Variants in SMPDL3B observed in about 807,000 individuals in gnomAD.
The protein encoded by SMPDL3B is acid sphingomyelinase-like phosphodiesterase 3b.
In SMPDL3B, 31 loss-of-function variants were observed where a neutral mutation model predicts 37.9. The ratio of observed to expected loss-of-function variants is 0.82; its 90% CI spans 0.61 to 1.10. The LOEUF (loss-of-function observed/expected upper bound fraction) is 1.10, where lower values mean the gene tolerates loss of function less well. SMPDL3B is among the 50% of genes least tolerant of loss of function. The pLI, the probability that SMPDL3B is intolerant of heterozygous loss-of-function variation, is 0.00. For missense variants in SMPDL3B, 525 were observed against 597.8 expected (o/e 0.88, Z 1.27); for synonymous variants, 235 against 242.6 (o/e 0.97, Z 0.29).
rs1410280011 is a variant in SMPDL3B, at chr1:27,958,200, CTGAATACCTGTA to C, written c.1006-260_1006-249del. On this transcript the variant is annotated intron_variant, in intron 7 of 7. Coordinates refer to ENST00000373894, the MANE Select transcript of SMPDL3B (RefSeq NM_014474.4). The surrounding 1 kb of genome is among the most constrained non-coding windows in gnomAD (Gnocchi z 5.6). ...AACCTGGGGTCCAATCCTGCTACCA[CTGAATACCTGTA>C]TGAATACCTGTATGACCCTGGCCAA... 2.0e-5 allele frequency among the ~76,000 whole-genome samples: 3 copies of C among 152,236 alleles called. No homozygotes were observed. The highest frequency in any genetic ancestry group is 1.5e-5 in the Non-Finnish European group (1 of 68,042).
intron 1 of SMPDL3B, chr1:27,939,205 C>T (rs1216759411): frequency 2.0e-5 from 3 of 152,180 alleles, no homozygotes; most frequent in Non-Finnish European, 4.4e-5. Flanking sequence ...TTCCTGCCCC[C>T]CTGTCTCCAA....
Position 27,958,712 on chromosome 1 carries a change from G to C in SMPDL3B, c.1242G>C (p.Val414=), listed in dbSNP as rs759020425. The C allele has an allele frequency of 4.3e-6, 7 of 1,613,882 alleles. No homozygotes were observed. The Admixed American group carries it at 1.2e-4, about 27-fold the overall frequency. The part of the protein sequence containing the change: ...VCDEACSMQH[V]CAMRQVDIDA... The stretch of plus-strand genomic sequence containing the variant: ...ACGAGGCCTGCAGCATGCAGCACGT[G>C]TGTGCCATGCGCCAGGTGGACATTG... Residue 414 remains valine, a synonymous_variant, in exon 8 of 8, where the codon GTG becomes GTC. Transcript: ENST00000373894. This position sits in a 1 kb window ranked among gnomAD's most constrained non-coding sequence, Gnocchi z 5.6.
chr1:27,935,298 G>T (rs1404000775), intron 1 of SMPDL3B, 54 bp downstream of exon 1: 21 of 1,324,490 alleles, frequency 1.6e-5, no homozygotes, highest in Non-Finnish European at 2.2e-5. Flanking sequence ...GAACTCTGGG[G>T]CTGCGGGAAG....
Position 27,958,944 on chromosome 1 carries a change from A to G in SMPDL3B, c.*106A>G. On this transcript the variant is annotated 3_prime_UTR_variant, in exon 8 of 8. Transcript: ENST00000373894. This position sits in a 1 kb window ranked among gnomAD's most constrained non-coding sequence, Gnocchi z 5.6. ...TCCTCCGCGCCTGAGGAGTGAACTG[A>G]AATAGGACAACCGAATCAGGAAGCG... 1 of 1,319,012 alleles carries G rather than the reference A, an allele frequency of 7.6e-7. No individual in the cohort carries two copies. Among genetic ancestry groups the G allele is most frequent in the South Asian group, 1.5e-5 (1 of 66,096 alleles). The allele number at this position is 1,319,012 out of a possible 1,614,324, so 81.7% of individuals were successfully genotyped here.
Position 27,953,320 on chromosome 1 carries a change from C to G in SMPDL3B, c.479C>G (p.Pro160Arg). ...IYNQIAELWK[P>R]WLSNESIALF... ...AATCAGATAGCAGAACTATGGAAAC[C>G]CTGGCTTAGTAATGAGTCCATCGCT... Residue 160 changes from proline to arginine, a missense_variant, in exon 4 of 8, where the codon CCC becomes CGC. Physicochemically the swap from Pro to Arg is moderately radical, Grantham distance 103 (BLOSUM62 -2). Transcript: ENST00000373894. 2 of 1,613,938 alleles carry G rather than the reference C, an allele frequency of 1.2e-6. No individual in the cohort carries two copies. Among genetic ancestry groups the G allele is most frequent in the Non-Finnish European group, 1.7e-6 (2 of 1,179,912 alleles).
intron 1 of SMPDL3B, chr1:27,939,222 G>C (rs2090335039): frequency 6.6e-6 from 1 of 152,116 alleles, no homozygotes; most frequent in South Asian, 2.1e-4. Flanking sequence ...CCAACCATAA[G>C]GGAACTCACC....
Position 27,958,493 on chromosome 1 carries a change from C to G in SMPDL3B, c.1023C>G (p.Phe341Leu). ...TLSLKDMVTY[F>L]MNLSQANAQG... ...TTTTCCAGGACATGGTGACCTACTT[C>G]ATGAACCTGAGCCAGGCGAATGCTC... is the stretch of plus-strand genomic sequence containing the variant. Residue 341 changes from phenylalanine to leucine, a missense_variant, in exon 8 of 8, where the codon TTC (phenylalanine) becomes TTG (leucine). Phe to Leu is a conservative substitution (Grantham distance 22). Coordinates refer to ENST00000373894, the MANE Select transcript of SMPDL3B (RefSeq NM_014474.4). This position sits in a 1 kb window ranked among gnomAD's most constrained non-coding sequence, Gnocchi z 5.6. 6.2e-7 allele frequency: 1 copy of G among 1,604,156 alleles called. No individual in the cohort carries two copies. Among genetic ancestry groups the G allele is most frequent in the Non-Finnish European group, 8.5e-7 (1 of 1,172,026 alleles).
At position 27,954,547 on chromosome 1, in the gene SMPDL3B, C is replaced by CT. The variant is rs745987967; in HGVS notation, c.690+25dup. 529 of 1,609,676 alleles carry CT rather than the reference C, an allele frequency of 3.3e-4. No individual in the cohort carries two copies. In the Middle Eastern group the frequency reaches 3.5e-3, roughly 11 times the overall value. ...ACATGGTAAGAGGCCCTGCTTCTTT[C>CT]TTTTCTCATCTGGGGTTATTTCCTG... On this transcript the variant is annotated intron_variant, in intron 5 of 7. Coordinates refer to ENST00000373894, the MANE Select transcript of SMPDL3B (RefSeq NM_014474.4).
At position 27,958,306 on chromosome 1, in the gene SMPDL3B, T is replaced by C. The variant is rs1434546608; in HGVS notation, c.1006-170T>C. ...CTAGGTAATAAGCGCAGTTACCTCA[T>C]TCGATTCAGAGGATGTCTGCCAAGC... On this transcript the variant is annotated intron_variant, in intron 7 of 7. Coordinates refer to ENST00000373894, the MANE Select transcript of SMPDL3B (RefSeq NM_014474.4). The surrounding 1 kb of genome is among the most constrained non-coding windows in gnomAD (Gnocchi z 5.6). 6.6e-6 allele frequency among the ~76,000 whole-genome samples: 1 copy of C among 152,176 alleles called. No homozygotes were observed. Among genetic ancestry groups the C allele is most frequent in the African/African-American group, 2.4e-5 (1 of 41,448 alleles).
rs770746968 is a variant in SMPDL3B, at chr1:27,955,688, A to G, written c.695A>G (p.Tyr232Cys). 3 of 1,613,126 alleles carry G rather than the reference A, an allele frequency of 1.9e-6. No homozygotes were observed. Among genetic ancestry groups the G allele is most frequent in the Non-Finnish European group, 8.5e-7 (1 of 1,179,538 alleles). The change falls in exon 6 of 8, where the codon TAC becomes TGC. Residue 232 changes from tyrosine to cysteine, a missense_variant. By Grantham distance (194) the Tyr-to-Cys change is radical. Coordinates refer to ENST00000373894, the MANE Select transcript of SMPDL3B (RefSeq NM_014474.4). ...TDASKAGDMVYIVGHVPPGFF... is the reference protein window; with the variant it reads ...TDASKAGDMVCIVGHVPPGFF... The stretch of plus-strand genomic sequence containing the variant: ...CTGGGAACCCCTCCCTTGTAGGTGT[A>G]CATTGTCGGCCACGTGCCCCCGGGG...
intron 1 of SMPDL3B, chr1:27,938,785 G>A (rs1343534600): frequency 3.3e-5 from 5 of 152,188 alleles, no homozygotes; most frequent in African/African-American, 4.8e-5. Context: ...TTATAAAATA[G>A]GTCTGCATCA....
chr1:27,946,118 C>A (rs927939381), intron 2 of SMPDL3B, among the ~76,000 whole-genome samples: 1 of 152,132 alleles, frequency 6.6e-6, no homozygotes, highest in Non-Finnish European at 1.5e-5. Context: ...CTTTGGGAGG[C>A]CGAGGCAGTG....
intron 5 of SMPDL3B, 134 bp downstream of exon 5, chr1:27,954,660 A>AGG (rs2090483877): frequency 6.4e-6 from 5 of 780,120 alleles, no homozygotes; most frequent in Non-Finnish European, 8.3e-6. Flanking sequence ...GCACCAGCAG[A>AGG]GGGCTTCCTC....
chr1:27,956,313 A>C lies in SMPDL3B; in HGVS notation c.1005+231A>C, dbSNP rs1571665966. ...CCCTGGATGACTGTCACAGCTTCAT[A>C]CCTGGTCTCCCTGCCTCTGGCCCTG... On this transcript the variant is annotated intron_variant, in intron 7 of 7. Transcript: ENST00000373894. 14 of 1,468,160 alleles carry C rather than the reference A, an allele frequency of 9.5e-6. No homozygotes were observed. In the Admixed American group the frequency reaches 1.2e-4, roughly 12 times the overall value. The allele number at this position is 1,468,160 out of a possible 1,614,324, so 90.9% of individuals were successfully genotyped here. A position where few individuals can be genotyped will look rare whatever the true frequency, so the allele number is the denominator to read the frequency against.
In SMPDL3B at chr1:27,949,071, C is replaced by T; in HGVS notation, c.282C>T (p.Asp94=). 6.2e-7 allele frequency: 1 copy of T among 1,614,206 alleles called. No individual in the cohort carries two copies. The highest frequency in any genetic ancestry group is 8.5e-7 in the Non-Finnish European group (1 of 1,180,026). Residue 94 remains aspartate (D), a synonymous_variant, in exon 3 of 8, where the codon GAC becomes GAT. Coordinates refer to ENST00000373894, the MANE Select transcript of SMPDL3B (RefSeq NM_014474.4). Reference sequence around the variant, plus strand: ...GCTTGGTGGTGTTTTGTAGTGATGACACGCCTCATGTGCCCGATGAGAAAC... The same window carrying T: ...GCTTGGTGGTGTTTTGTAGTGATGATACGCCTCATGTGCCCGATGAGAAAC... ...EPDFILWTGD[D]TPHVPDEKLG...
intron 2 of SMPDL3B, among the ~76,000 whole-genome samples, chr1:27,946,812 C>T (rs898811981): frequency 6.6e-6 from 1 of 152,138 alleles, no homozygotes; most frequent in African/African-American, 2.4e-5. Context: ...ATGAACCTGC[C>T]AGGCTGGACA....
intron 3 of SMPDL3B, among the ~76,000 whole-genome samples, chr1:27,951,893 C>T (rs1444932698): frequency 1.3e-5 from 2 of 152,146 alleles, no homozygotes; most frequent in East Asian, 1.9e-4. Flanking sequence ...TGGGTAATCT[C>T]ATAAAGACTC....
chr1:27,958,436 C>CAACT lies in SMPDL3B; in HGVS notation c.1006-39_1006-36dup, dbSNP rs770534361. On this transcript the variant is annotated intron_variant, in intron 7 of 7. Transcript: ENST00000373894. The surrounding 1 kb of genome is among the most constrained non-coding windows in gnomAD (Gnocchi z 5.6). ...GGTGCAGGATGGGGATGGAAGCAGA[C>CAACT]AACTGCTCACAGCCGGTCTACCCCA... The CAACT allele has an allele frequency of 6.4e-7, 1 of 1,559,180 alleles. No homozygotes were observed. The highest frequency in any genetic ancestry group is 2.3e-5 in the East Asian group (1 of 44,166).
chr1:27,956,370 G>A (rs1414710122), intron 7 of SMPDL3B: 2 of 1,317,308 alleles, frequency 1.5e-6, no homozygotes, highest in Non-Finnish European at 2.0e-6. Flanking sequence ...ACACAAGAGA[G>A]AAGAAACTAA....
Sources: allele counts gnomAD v4.1 joint callset (sites outside exome capture counted in the v4.1 genomes callset), GRCh38; gene constraint gnomAD v4.1.1; non-coding constraint Gnocchi (gnomAD v3.1); transcripts MANE v1.5; gene names NCBI Gene and HGNC (gene_info 2026-07-23, HGNC 2026-07-21).